Variants in CPAP observed in about 807,000 individuals in gnomAD.
CPAP encodes the protein centrosomal P4.1-associated protein.
At chr13:24,906,718 C>T in the CPAP span, 2 of 1,614,148 alleles carry the variant, frequency 1.2e-6, no homozygotes, top group Non-Finnish European at 1.7e-6. Flanking sequence ...CTTTACTGTC[C>T]TTTTTAAGGA....
chr13:24,911,930 T>C, the CPAP span: 2 of 1,613,974 alleles, frequency 1.2e-6, no homozygotes, highest in South Asian at 1.1e-5. Flanking sequence ...TGAGGCCCTG[T>C]GTAGGCAAAG....
the CPAP span, among the ~76,000 whole-genome samples, chr13:24,895,528 G>A: frequency 6.6e-6 from 1 of 152,198 alleles, no homozygotes; most frequent in Non-Finnish European, 1.5e-5. Flanking sequence ...CTGCACTCCA[G>A]CCTGGGTGAC....
chr13:24,895,406 T>C, the CPAP span, among the ~76,000 whole-genome samples: 1 of 150,848 alleles, frequency 6.6e-6, no homozygotes, highest in African/African-American at 2.4e-5. Context: ...AAACCCCGTC[T>C]CTACTAAAAA....
the CPAP span, among the ~76,000 whole-genome samples, chr13:24,898,538 A>G: frequency 6.6e-6 from 1 of 152,232 alleles, no homozygotes; most frequent in East Asian, 1.9e-4. Flanking sequence ...TTTTGAAATA[A>G]AAGTTTTAAT....
the CPAP span, among the ~76,000 whole-genome samples, chr13:24,919,903 A>G: frequency 6.6e-6 from 1 of 152,128 alleles, no homozygotes; most frequent in Non-Finnish European, 1.5e-5. Context: ...AGCTGGGCCT[A>G]CAGGTATGTG....
the CPAP span, among the ~76,000 whole-genome samples, chr13:24,931,777 C>A: frequency 6.6e-6 from 1 of 152,366 alleles, no homozygotes; most frequent in Non-Finnish European, 1.5e-5. Flanking sequence ...TTATCTCACT[C>A]TCCTGTTTCC....
At chr13:24,904,410 A>T in the CPAP span, among the ~76,000 whole-genome samples, 1 of 152,198 alleles carries the variant, frequency 6.6e-6, no homozygotes, top group East Asian at 1.9e-4. Context: ...TCAACACCAA[A>T]ATCAAAGTTT....
chr13:24,886,086 C>CCAAT, the CPAP span: 2 of 371,034 alleles, frequency 5.4e-6, no homozygotes, highest in African/African-American at 4.2e-5. Context: ...GTCCAGCACA[C>CCAAT]CAATCACATA....
the CPAP span, among the ~76,000 whole-genome samples, chr13:24,915,755 C>T: frequency 2.6e-5 from 4 of 152,052 alleles, no homozygotes; most frequent in South Asian, 6.2e-4. Context: ...GCCGAGATAG[C>T]GTTATTGCAC....
At chr13:24,920,619 CT>C in the CPAP span, among the ~76,000 whole-genome samples, 831 of 125,244 alleles carry the variant, frequency 6.6e-3, 4 homozygotes, top group Non-Finnish European at 8.5e-3. Flanking sequence ...AATATGATTC[CT>C]TTTTTTTTTT....
At chr13:24,930,049 C>CACAG in the CPAP span, among the ~76,000 whole-genome samples, 1 of 151,386 alleles carries the variant, frequency 6.6e-6, no homozygotes, top group Non-Finnish European at 1.5e-5. Context: ...TAGCTACAGC[C>CACAG]ACAGACATGC....
At chr13:24,883,390 A>ATGAT in the CPAP span, 5 of 1,537,606 alleles carry the variant, frequency 3.3e-6, no homozygotes, top group Non-Finnish European at 1.8e-6. Context: ...TAAAAAAAAT[A>ATGAT]TGATTTCTTA....
the CPAP span, chr13:24,912,561 G>C: frequency 1.3e-6 from 2 of 1,590,922 alleles, no homozygotes; most frequent in Non-Finnish European, 1.7e-6. Flanking sequence ...TAAATTCACA[G>C]TAGGCCAAAT....
chr13:24,883,398 T>G, the CPAP span: 2 of 1,498,266 alleles, frequency 1.3e-6, no homozygotes, highest in South Asian at 2.5e-5. Context: ...ATATGATTTC[T>G]TAAAAAAAAA....
the CPAP span, among the ~76,000 whole-genome samples, chr13:24,898,421 A>C: frequency 6.6e-6 from 1 of 152,310 alleles, no homozygotes; most frequent in South Asian, 2.1e-4. Context: ...CTATAATAAA[A>C]AATTATTTTC....
chr13:24,885,127 T>C, the CPAP span: 4 of 645,990 alleles, frequency 6.2e-6, no homozygotes, highest in Non-Finnish European at 1.1e-5. Flanking sequence ...ACAGAGATTG[T>C]ATGCCGCCTT....
At chr13:24,883,341 T>G in the CPAP span, 1 of 1,613,256 alleles carries the variant, frequency 6.2e-7, no homozygotes, top group Non-Finnish European at 8.5e-7. Flanking sequence ...CTTTGGCCAT[T>G]ATTAAACTCT....
At chr13:24,891,968 G>A in the CPAP span, among the ~76,000 whole-genome samples, 2 of 152,124 alleles carry the variant, frequency 1.3e-5, no homozygotes, top group Admixed American at 6.5e-5. Flanking sequence ...TTCCCAGACC[G>A]TCCCACCCAG....
chr13:24,909,036 C>A, the CPAP span, among the ~76,000 whole-genome samples: 2 of 152,104 alleles, frequency 1.3e-5, no homozygotes, highest in African/African-American at 4.8e-5. Context: ...CACATACATA[C>A]ACTGACAAAG....
Sources: gnomAD v4.1 joint callset for allele counts (sites outside exome capture counted in the v4.1 genomes callset) on GRCh38, gnomAD v4.1.1 for gene constraint, MANE v1.5 for transcripts, NCBI Gene and HGNC (gene_info 2026-07-23, HGNC 2026-07-21) for gene names.